GDF1: variants seen among roughly 807,000 people sequenced by gnomAD.
GDF1 encodes the protein embryonic growth/differentiation factor 1.
Under a neutral mutation model 7.4 loss-of-function variants are expected in GDF1, and 8 were observed. That is an observed-to-expected ratio of 1.09 (90% CI 0.64 to 1.96). GDF1 has a LOEUF of 1.96. Ranked by LOEUF, GDF1 falls within the 30% of genes most tolerant of loss-of-function variation. The pLI is 0.00. For synonymous variants in GDF1, 311 were observed against 276.7 expected (o/e 1.12, Z -1.23); for missense variants, 574 against 551.5 (o/e 1.04, Z -0.41).
In GDF1 at chr19:18,895,597, C is replaced by T. The variant is rs948344105; in HGVS notation, c.-1074+227G>A. On this transcript the variant is annotated intron_variant, in intron 1 of 7. Coordinates refer to ENST00000247005, the MANE Select transcript of GDF1 (RefSeq NM_001492.6). The surrounding 1 kb of genome is among the most constrained non-coding windows in gnomAD (Gnocchi z 6.4). The stretch of plus-strand genomic sequence containing the variant: ...CCACACCCCCGCATCTACCCGGTTC[C>T]CCCACGCAGCACTGTCTGAAGGGGG... 2.0e-5 allele frequency among the ~76,000 whole-genome samples: 3 copies of T among 151,816 alleles called. No homozygotes were observed. The highest frequency in any genetic ancestry group is 7.3e-5 in the African/African-American group (3 of 41,332).
In GDF1 at chr19:18,878,324, C is replaced by T. The variant is rs559657143; in HGVS notation, c.-313+606G>A. The T allele has an allele frequency of 8.8e-5, 87 of 985,884 alleles. No homozygotes were observed. The highest frequency in any genetic ancestry group is 1.0e-3 in the Middle Eastern group (2 of 1,916). The allele number at this position is 985,884 out of a possible 1,614,324, so 61.1% of individuals were successfully genotyped here. ...CCTGCCTGCCCCAGGCCTGGGGCTTCGGACACCATCTGGCTGTCACCCAGG... is the reference window on the plus strand; with the variant it reads ...CCTGCCTGCCCCAGGCCTGGGGCTTTGGACACCATCTGGCTGTCACCCAGG... On this transcript the variant is annotated intron_variant, in intron 6 of 7. Transcript: ENST00000247005. The surrounding 1 kb of genome is among the most constrained non-coding windows in gnomAD (Gnocchi z 4.6).
At chr19:18,893,730 C>T (rs1297566260) in intron 1 of GDF1, among the ~76,000 whole-genome samples, 155 bp from the exon 2 acceptor site, 4 of 152,150 alleles carry the variant, frequency 2.6e-5, no homozygotes, top group African/African-American at 7.2e-5. Flanking sequence ...ATAAACAGAG[C>T]CCACAGGCGC....
chr19:18,886,204 G>A (rs528050995), intron 2 of GDF1, among the ~76,000 whole-genome samples: 3 of 151,116 alleles, frequency 2.0e-5, no homozygotes, highest in Admixed American at 6.6e-5. Flanking sequence ...CCAGGAGTTC[G>A]AGACCAGCCT....
At position 18,870,759 on chromosome 19, in the gene GDF1, C is replaced by T. The variant is rs1312175551; in HGVS notation, c.-312-140G>A. The T allele has an allele frequency of 2.0e-5, 9 of 442,616 alleles. No individual in the cohort carries two copies. The highest frequency in any genetic ancestry group is 3.5e-5 in the East Asian group (1 of 28,282). 27.4% of individuals were successfully genotyped at this position (442,616 alleles called of 1,614,324 possible). On this transcript the variant is annotated intron_variant, in intron 6 of 7. Transcript: ENST00000247005. This position sits in a 1 kb window ranked among gnomAD's most constrained non-coding sequence, Gnocchi z 5.1. ...CCCGGGCCTCGCCTTGTGGCTTCCT[C>T]CTCGCCTTCACCCTGCCCCTCCTTG...
intron 2 of GDF1, among the ~76,000 whole-genome samples, chr19:18,885,511 GTTTTTTTTTTTT>G (rs59793456): frequency 4.1e-4 from 9 of 22,122 alleles, no homozygotes; most frequent in Non-Finnish European, 8.2e-4. Flanking sequence ...GCCCCTTCTC[GTTTTTTTTTTTT>G]TTTTTTTTTT....
At position 18,870,618 on chromosome 19, in the gene GDF1, T is replaced by C; in HGVS notation, c.-311A>G. ...TTCACCAGGCCGTTCCTCAGTGGCT[T>C]CCTGGGGGTCAGAACCGGCGCAGGT... is the stretch of plus-strand genomic sequence containing the variant. On this transcript the variant is annotated splice_region_variant and 5_prime_UTR_variant, in exon 7 of 8. Transcript: ENST00000247005. This position sits in a 1 kb window ranked among gnomAD's most constrained non-coding sequence, Gnocchi z 5.1. The C allele has an allele frequency of 1.7e-6, 1 of 573,654 alleles. No homozygotes were observed. The highest frequency in any genetic ancestry group is 3.2e-6 in the Non-Finnish European group (1 of 316,902). The allele number at this position is 573,654 out of a possible 1,614,324, so 35.5% of individuals were successfully genotyped here. A position where few individuals can be genotyped will look rare whatever the true frequency, so the allele number is the denominator to read the frequency against.
In GDF1 at chr19:18,870,933, C is replaced by T. The variant is rs1011941440; in HGVS notation, c.-312-314G>A. Among the ~76,000 whole-genome samples, 1 of 152,166 alleles carries T rather than the reference C, an allele frequency of 6.6e-6. No individual in the cohort carries two copies. Among genetic ancestry groups the T allele is most frequent in the Non-Finnish European group, 1.5e-5 (1 of 68,024 alleles). ...CCAGGCCGCTGGAGGGCAAAACCCA[C>T]GTACCGGCCTGGGCCTGACAACTCC... On this transcript the variant is annotated intron_variant, in intron 6 of 7. Coordinates refer to ENST00000247005, the MANE Select transcript of GDF1 (RefSeq NM_001492.6). The surrounding 1 kb of genome is among the most constrained non-coding windows in gnomAD (Gnocchi z 5.1).
Position 18,870,714 on chromosome 19 carries a change from G to T in GDF1, c.-312-95C>A, listed in dbSNP as rs956187216. The T allele has an allele frequency of 1.2e-5, 6 of 480,686 alleles. No individual in the cohort carries two copies. The South Asian group carries it at 2.2e-4, about 18-fold the overall frequency. 29.8% of individuals were successfully genotyped at this position (480,686 alleles called of 1,614,324 possible). A position where few individuals can be genotyped will look rare whatever the true frequency, so the allele number is the denominator to read the frequency against. Reference sequence around the variant, plus strand: ...TTCTCTGGCCGTTTCACACCCCCTGGCTCCTTTTACCCGGCCAGGCCCGGG... The same window carrying T: ...TTCTCTGGCCGTTTCACACCCCCTGTCTCCTTTTACCCGGCCAGGCCCGGG... On this transcript the variant is annotated intron_variant, in intron 6 of 7. Transcript: ENST00000247005. This position sits in a 1 kb window ranked among gnomAD's most constrained non-coding sequence, Gnocchi z 5.1.
chr19:18,893,262 T>C lies in GDF1; in HGVS notation c.-914+154A>G, dbSNP rs1259693824. 2.0e-5 allele frequency among the ~76,000 whole-genome samples: 3 copies of C among 152,220 alleles called. No individual in the cohort carries two copies. In the East Asian group the frequency reaches 5.8e-4, roughly 29 times the overall value. ...CAGGGTCTCACTCTGTCGTCCAGGC[T>C]GGAGTGCAGTGGCGTGCTCATAGCT... On this transcript the variant is annotated intron_variant, in intron 2 of 7. Transcript: ENST00000247005.
chr19:18,884,057 C>T (rs761449511), intron 3 of GDF1, 30 bp downstream of exon 3: 32 of 1,598,560 alleles, frequency 2.0e-5, no homozygotes, highest in African/African-American at 2.7e-5. Flanking sequence ...GGCTGTGCCT[C>T]GGCCCCCTGC....
In GDF1 at chr19:18,869,067, G is replaced by A. The variant is rs2055909840; in HGVS notation, c.649C>T (p.Leu217=). ...ASWPRSLRLA[L]ALRPRAPAAC... Reference sequence around the variant, plus strand: ...GCAGGGGCCCGGGGGCGTAGCGCCAGCGCCAGGCGGAGGCTGCGCGGCCAT... The same window carrying A: ...GCAGGGGCCCGGGGGCGTAGCGCCAACGCCAGGCGGAGGCTGCGCGGCCAT... The change falls in exon 8 of 8, where the codon CTG becomes TTG. Residue 217 remains leucine, a synonymous_variant. Transcript: ENST00000247005. 1.9e-6 allele frequency: 2 copies of A among 1,059,644 alleles called. No homozygotes were observed. Among genetic ancestry groups the A allele is most frequent in the African/African-American group, 1.7e-5 (1 of 58,238 alleles). 65.6% of individuals were successfully genotyped at this position (1,059,644 alleles called of 1,614,324 possible). A position where few individuals can be genotyped will look rare whatever the true frequency, so the allele number is the denominator to read the frequency against.
intron 6 of GDF1, among the ~76,000 whole-genome samples, chr19:18,873,524 C>CCAT (rs2056011205): frequency 6.6e-6 from 1 of 151,586 alleles, no homozygotes; most frequent in African/African-American, 2.4e-5. Flanking sequence ...CAGTGAGACC[C>CCAT]CATCTCTACA....
chr19:18,879,106 T>C (rs930887368), intron 5 of GDF1, 67 bp from the exon 6 acceptor site: 31 of 1,592,736 alleles, frequency 1.9e-5, no homozygotes, highest in African/African-American at 2.7e-5. Flanking sequence ...CTGACAGCCA[T>C]GTGCTCCTGT....
intron 6 of GDF1, among the ~76,000 whole-genome samples, chr19:18,876,536 T>TTGTGTGTG (rs60266196): frequency 0.022 from 3,108 of 143,232 alleles, 101 homozygotes; most frequent in African/African-American, 0.066. Context: ...TTTGATTGGG[T>TTGTGTGTG]TGTGTGTGTG....
At position 18,878,253 on chromosome 19, in the gene GDF1, G is replaced by A; in HGVS notation, c.-313+677C>T. Reference sequence around the variant, plus strand: ...TATGAGACACTGCACACCCGACTCTGCTTGTTACCCAGTTTGGCCTCCGTT... The same window carrying A: ...TATGAGACACTGCACACCCGACTCTACTTGTTACCCAGTTTGGCCTCCGTT... On this transcript the variant is annotated intron_variant, in intron 6 of 7. Coordinates refer to ENST00000247005, the MANE Select transcript of GDF1 (RefSeq NM_001492.6). This position sits in a 1 kb window ranked among gnomAD's most constrained non-coding sequence, Gnocchi z 4.6. 1.0e-6 allele frequency: 1 copy of A among 985,738 alleles called. No homozygotes were observed. Among genetic ancestry groups the A allele is most frequent in the Non-Finnish European group, 1.2e-6 (1 of 830,270 alleles). The allele number at this position is 985,738 out of a possible 1,614,324, so 61.1% of individuals were successfully genotyped here. A position where few individuals can be genotyped will look rare whatever the true frequency, so the allele number is the denominator to read the frequency against.
chr19:18,884,008 C>G (rs938773512), intron 3 of GDF1, 79 bp downstream of exon 3: 8 of 1,468,932 alleles, frequency 5.4e-6, no homozygotes, highest in Non-Finnish European at 7.4e-6. Flanking sequence ...ACGGCCTCCT[C>G]TGTGCCCCGC....
intron 6 of GDF1, among the ~76,000 whole-genome samples, chr19:18,874,113 C>G (rs541675357): frequency 6.6e-6 from 1 of 152,254 alleles, no homozygotes; most frequent in African/African-American, 2.4e-5. Context: ...TCCCTAGCCT[C>G]AGAGAGAGGG....
chr19:18,885,611 C>CGG (rs1327222375), intron 2 of GDF1, among the ~76,000 whole-genome samples: 9 of 150,026 alleles, frequency 6.0e-5, no homozygotes, highest in Non-Finnish European at 1.0e-4. Context: ...CCTCCATATC[C>CGG]GGGGTTCAAG....
intron 6 of GDF1, among the ~76,000 whole-genome samples, chr19:18,875,050 T>A (rs2056036676): frequency 6.6e-6 from 1 of 151,250 alleles, no homozygotes; most frequent in South Asian, 2.1e-4. Context: ...AACTGGGTAA[T>A]ATAGTGAGAT....
Sources: allele counts gnomAD v4.1 joint callset (sites outside exome capture counted in the v4.1 genomes callset), GRCh38; gene constraint gnomAD v4.1.1; non-coding constraint Gnocchi (gnomAD v3.1); transcripts MANE v1.5; gene names NCBI Gene and HGNC (gene_info 2026-07-23, HGNC 2026-07-21).